NPAS3: variants seen among roughly 807,000 people sequenced by gnomAD.
The protein encoded by NPAS3 is neuronal PAS domain-containing protein 3.
Under a neutral mutation model 73.1 loss-of-function variants are expected in NPAS3, and 14 were observed. The ratio of observed to expected loss-of-function variants is 0.19; its 90% CI spans 0.13 to 0.30. NPAS3 has a LOEUF of 0.30. Among genes scored for constraint, NPAS3 ranks in the 10% least tolerant of loss-of-function variants. The probability of loss-of-function intolerance (pLI) is 1.00; values close to 1 mark genes in which losing one functional copy is unlikely to be tolerated. For synonymous variants in NPAS3, 620 were observed against 541.5 expected, an observed-to-expected ratio of 1.14 and a Z score of -2.01; for missense variants, 1,096 against 1,250.0, an observed-to-expected ratio of 0.88 and a Z score of 1.86.
At chr14:33,095,292 G>A (rs1349644513) in intron 2 of NPAS3, among the ~76,000 whole-genome samples, 1 of 152,218 alleles carries the variant, frequency 6.6e-6, no homozygotes, top group Non-Finnish European at 1.5e-5. Flanking sequence ...AATTCCCTAA[G>A]CTGCTGGCAG....
chr14:33,334,154 A>T (rs955198834), intron 3 of NPAS3, among the ~76,000 whole-genome samples: 3 of 152,186 alleles, frequency 2.0e-5, no homozygotes, highest in Non-Finnish European at 4.4e-5. Flanking sequence ...CAGTACAAAC[A>T]TCCTACTGTT....
chr14:33,774,687 T>C (rs1440819199), intron 8 of NPAS3, among the ~76,000 whole-genome samples, 157 bp downstream of exon 8: 1 of 152,208 alleles, frequency 6.6e-6, no homozygotes, highest in Non-Finnish European at 1.5e-5. Flanking sequence ...ACATGCTTTT[T>C]ATTTAAAATT....
Position 32,997,740 on chromosome 14 carries a change from C to T in NPAS3, c.51-58165C>T, listed in dbSNP as rs561667498. Reference sequence around the variant, plus strand: ...GAGATGGAGACCATCCTGGCTAACACGGTGAAACCCCGTCTCTACTAAAAA... The same window carrying T: ...GAGATGGAGACCATCCTGGCTAACATGGTGAAACCCCGTCTCTACTAAAAA... On this transcript the variant is annotated intron_variant, in intron 1 of 11. Coordinates refer to ENST00000356141, the Ensembl canonical transcript of NPAS3. Among the ~76,000 whole-genome samples, 448 of 145,496 alleles carry T rather than the reference C, an allele frequency of 3.1e-3. 5 individuals are homozygous for T. The highest frequency in any genetic ancestry group is 7.3e-3 in the Middle Eastern group (2 of 274).
At chr14:33,622,593 TA>T (rs1296286042) in intron 5 of NPAS3, among the ~76,000 whole-genome samples, 1 of 152,232 alleles carries the variant, frequency 6.6e-6, no homozygotes, top group African/African-American at 2.4e-5. Context: ...GTTGTAGCAT[TA>T]ATCACAATTT....
At chr14:32,998,803 A>G (rs2038687493) in intron 1 of NPAS3, among the ~76,000 whole-genome samples, 1 of 152,204 alleles carries the variant, frequency 6.6e-6, no homozygotes, top group Admixed American at 6.5e-5. Context: ...GGTGAAGAAC[A>G]GTAGTGCTGG....
intron 7 of NPAS3, among the ~76,000 whole-genome samples, chr14:33,769,892 T>C (rs757724600): frequency 4.1e-5 from 6 of 148,044 alleles, no homozygotes; most frequent in African/African-American, 5.0e-5. Flanking sequence ...AGCCTCCAAG[T>C]AGCTGGGGCC....
At chr14:33,471,414 G>A (rs941305412) in intron 4 of NPAS3, among the ~76,000 whole-genome samples, 13 of 152,196 alleles carry the variant, frequency 8.5e-5, no homozygotes, top group African/African-American at 2.7e-4. Context: ...GAAAGCACAT[G>A]ACTGTGCTTA....
chr14:33,256,933 C>G lies in NPAS3; in HGVS notation c.385+41507C>G, dbSNP rs538694582. On this transcript the variant is annotated intron_variant, in intron 3 of 11. Coordinates refer to ENST00000356141, the Ensembl canonical transcript of NPAS3. The stretch of plus-strand genomic sequence containing the variant: ...CATTTTACAGACAGGAGAGCAGACC[C>G]CTAGAAGGCAAGGTGACAAAGAGGT... Among the ~76,000 whole-genome samples the G allele has an allele frequency of 3.3e-5, 5 of 152,202 alleles. No homozygotes were observed. The South Asian group carries it at 1.0e-3, about 32-fold the overall frequency.
At chr14:33,046,923 G>A (rs1179000991) in intron 1 of NPAS3, among the ~76,000 whole-genome samples, 1 of 152,120 alleles carries the variant, frequency 6.6e-6, no homozygotes, top group Non-Finnish European at 1.5e-5. Context: ...GCAGTGAGCC[G>A]AGATTGCACC....
intron 4 of NPAS3, among the ~76,000 whole-genome samples, chr14:33,558,591 A>G (rs1441123701): frequency 6.6e-6 from 1 of 151,940 alleles, no homozygotes; most frequent in African/African-American, 2.4e-5. Flanking sequence ...ACGTACATAC[A>G]TATAATATAT....
intron 5 of NPAS3, among the ~76,000 whole-genome samples, chr14:33,581,282 A>G (rs956490321): frequency 1.3e-5 from 2 of 152,242 alleles, no homozygotes; most frequent in African/African-American, 4.8e-5. Flanking sequence ...TGCTTGTTTT[A>G]GAAAAGTAAA....
At chr14:33,388,090 G>T (rs2046846649) in intron 4 of NPAS3, among the ~76,000 whole-genome samples, 2 of 152,094 alleles carry the variant, frequency 1.3e-5, no homozygotes, top group African/African-American at 4.8e-5. Flanking sequence ...AGTAAAGATG[G>T]ATAGACACAC....
At chr14:33,244,787 C>G (rs779307139) in intron 3 of NPAS3, among the ~76,000 whole-genome samples, 1 of 152,186 alleles carries the variant, frequency 6.6e-6, no homozygotes, top group Admixed American at 6.5e-5. Context: ...AACCCCAACT[C>G]AGCAAGGCAT....
intron 4 of NPAS3, among the ~76,000 whole-genome samples, chr14:33,522,333 C>A (rs878938728): frequency 3.3e-5 from 5 of 151,982 alleles, no homozygotes; most frequent in Admixed American, 2.0e-4. Flanking sequence ...AACTTCTTCT[C>A]CTTATGGCCT....
At chr14:33,496,234 A>C (rs1278944722) in intron 4 of NPAS3, among the ~76,000 whole-genome samples, 1 of 152,100 alleles carries the variant, frequency 6.6e-6, no homozygotes, top group East Asian at 1.9e-4. Context: ...AAAGTCCAGG[A>C]CCGGATGGAT....
intron 1 of NPAS3, among the ~76,000 whole-genome samples, chr14:33,030,741 A>C (rs146626260): frequency 6.6e-6 from 1 of 152,162 alleles, no homozygotes; most frequent in Non-Finnish European, 1.5e-5. Context: ...GTGTATGAGT[A>C]TACTGTAAAG....
intron 2 of NPAS3, among the ~76,000 whole-genome samples, chr14:33,095,034 A>G (rs1389044304): frequency 6.6e-6 from 1 of 152,224 alleles, no homozygotes. Flanking sequence ...TTTTATTTCA[A>G]GTTGGCAAAA....
intron 3 of NPAS3, among the ~76,000 whole-genome samples, chr14:33,359,870 G>A (rs1388501095): frequency 1.3e-5 from 2 of 152,198 alleles, no homozygotes; most frequent in African/African-American, 2.4e-5. Flanking sequence ...TGATATCCCT[G>A]CCTGACATAC....
At position 33,229,130 on chromosome 14, in the gene NPAS3, T is replaced by A. The variant is rs190791278; in HGVS notation, c.385+13704T>A. Among the ~76,000 whole-genome samples, 3 of 152,272 alleles carry A rather than the reference T, an allele frequency of 2.0e-5. No individual in the cohort carries two copies. The East Asian group carries it at 5.8e-4, about 29-fold the overall frequency. ...AAAGTATTTTAAACAGGATACCCAA[T>A]GCCATGTAGAACACAGACTACTCAT... On this transcript the variant is annotated intron_variant, in intron 3 of 11. Transcript: ENST00000356141.
Sources: allele counts gnomAD v4.1 joint callset (sites outside exome capture counted in the v4.1 genomes callset), GRCh38; gene constraint gnomAD v4.1.1; transcripts MANE v1.5; gene names NCBI Gene and HGNC (gene_info 2026-07-23, HGNC 2026-07-21).